TTC22: variants seen among roughly 807,000 people sequenced by gnomAD.
TTC22 encodes tetratricopeptide repeat protein 22.
A neutral mutation model predicts 48.2 loss-of-function variants in TTC22; 42 were observed. That is an observed-to-expected ratio of 0.87 (90% confidence interval 0.68 to 1.13). The LOEUF is 1.13. Among genes scored for constraint, TTC22 ranks in the 50% most tolerant of loss-of-function variants. The pLI is 0.00. For missense variants in TTC22, 784 were observed against 807.0 expected (o/e 0.97, Z 0.34); for synonymous variants, 345 against 365.5 (o/e 0.94, Z 0.64).
chr1:54,781,766 A>G lies in TTC22; in HGVS notation c.1187T>C (p.Met396Thr). 1 of 1,459,324 alleles carries G rather than the reference A, an allele frequency of 6.9e-7. No homozygotes were observed. The highest frequency in any genetic ancestry group is 9.0e-7 in the Non-Finnish European group (1 of 1,108,210). 90.4% of individuals were successfully genotyped at this position (1,459,324 alleles called of 1,614,324 possible). A position where few individuals can be genotyped will look rare whatever the true frequency, so the allele number is the denominator to read the frequency against. The stretch of plus-strand genomic sequence containing the variant: ...CAGCTCCTGCACCGCGTCCACGCCC[A>G]TATAGTAGTAGACCTGGGGTCGGGG... Reference protein sequence around the residue: ...YLDIGQVYYYMGVDAVQELLA... With the variant: ...YLDIGQVYYYTGVDAVQELLA... The change falls in exon 7 of 7, where the codon ATG becomes ACG. Residue 396 changes from methionine to threonine, a missense_variant. By Grantham distance (81) the Met-to-Thr change is moderately conservative. Coordinates refer to ENST00000371276, the MANE Select transcript of TTC22 (RefSeq NM_001114108.2).
At chr1:54,784,871 G>C in intron 5 of TTC22, 1 of 1,220,366 alleles carries the variant, frequency 8.2e-7, no homozygotes, top group Non-Finnish European at 1.1e-6. Context: ...GGACCAGTGC[G>C]GGAAGCTAGC....
In TTC22 at chr1:54,779,993, C is replaced by T. The variant is rs1412470169; in HGVS notation, c.*1250G>A. 1 of 152,220 alleles carries T rather than the reference C, an allele frequency of 6.6e-6. No homozygotes were observed. The highest frequency in any genetic ancestry group is 1.5e-5 in the Non-Finnish European group (1 of 68,104). 9.4% of individuals were successfully genotyped at this position (152,220 alleles called of 1,614,324 possible). On this transcript the variant is annotated 3_prime_UTR_variant, in exon 7 of 7. Transcript: ENST00000371276. ...GATATGAGCAAAGCAGTGAGTACAGCCTGGAATTCCAGCTACTCAGGAGGC... is the reference window on the plus strand; with the variant it reads ...GATATGAGCAAAGCAGTGAGTACAGTCTGGAATTCCAGCTACTCAGGAGGC...
At chr1:54,788,236 G>T in intron 1 of TTC22, 139 bp from the exon 2 acceptor site, 1 of 788,038 alleles carries the variant, frequency 1.3e-6, no homozygotes, top group Non-Finnish European at 2.2e-6. Flanking sequence ...TTTGATTACA[G>T]TCCTGGTTCT....
At chr1:54,784,058 A>G (rs1646282209) in intron 5 of TTC22, among the ~76,000 whole-genome samples, 1 of 152,194 alleles carries the variant, frequency 6.6e-6, no homozygotes, top group African/African-American at 2.4e-5. Flanking sequence ...TGGCTTTGAT[A>G]TTTTCAATTA....
At chr1:54,788,932 C>G (rs1228331116) in intron 1 of TTC22, among the ~76,000 whole-genome samples, 1 of 152,220 alleles carries the variant, frequency 6.6e-6, no homozygotes, top group Non-Finnish European at 1.5e-5. Flanking sequence ...CCCAAACGCA[C>G]TCACAACCTG....
chr1:54,787,949 G>T, intron 2 of TTC22, 93 bp downstream of exon 2: 1 of 1,493,566 alleles, frequency 6.7e-7, no homozygotes, highest in Non-Finnish European at 9.3e-7. Flanking sequence ...CAGTAGGAAG[G>T]GCCCAGCCAC....
intron 1 of TTC22, among the ~76,000 whole-genome samples, chr1:54,790,562 T>C (rs1646341866): frequency 6.6e-6 from 1 of 152,220 alleles, no homozygotes; most frequent in Admixed American, 6.5e-5. Context: ...AGGGCATCCC[T>C]GAGAAGTGGG....
intron 2 of TTC22, 62 bp from the exon 3 acceptor site, chr1:54,787,888 G>A: frequency 6.6e-7 from 1 of 1,517,914 alleles, no homozygotes; most frequent in Non-Finnish European, 9.1e-7. Context: ...TGTGCTGCCA[G>A]CCCTGCCCAG....
intron 1 of TTC22, 51 bp from the exon 2 acceptor site, chr1:54,788,148 A>C: frequency 4.4e-6 from 7 of 1,577,190 alleles, no homozygotes; most frequent in Non-Finnish European, 6.1e-6. Context: ...TACTCTGGCC[A>C]TTGTTCATAA....
rs1190844992 is a variant in TTC22, at chr1:54,801,263, G to A, written c.-100C>T. ...GAGCGAGCTCCGTGCGGGAGGCGAG[G>A]GGCAGCCGGCAGAGGCCCCGGGCGC... On this transcript the variant is annotated 5_prime_UTR_variant, in exon 1 of 7. Transcript: ENST00000371276. 3.1e-6 allele frequency: 4 copies of A among 1,278,198 alleles called. No individual in the cohort carries two copies. In the Admixed American group the frequency reaches 8.0e-5, roughly 26 times the overall value. 79.2% of individuals were successfully genotyped at this position (1,278,198 alleles called of 1,614,324 possible).
rs1646258721 is a variant in TTC22, at chr1:54,781,225, G to C, written c.*18C>G. The C allele has an allele frequency of 1.4e-6, 2 of 1,425,736 alleles. No homozygotes were observed. The highest frequency in any genetic ancestry group is 1.8e-6 in the Non-Finnish European group (2 of 1,099,064). The allele number at this position is 1,425,736 out of a possible 1,614,324, so 88.3% of individuals were successfully genotyped here. A position where few individuals can be genotyped will look rare whatever the true frequency, so the allele number is the denominator to read the frequency against. ...CTGGGCGGGGTCCCAGGGAGCCTCC[G>C]GCCTGGGCACCTGAGCCCTAGAATG... On this transcript the variant is annotated 3_prime_UTR_variant, in exon 7 of 7. Transcript: ENST00000371276.
chr1:54,791,073 T>C (rs1421642057), intron 1 of TTC22, among the ~76,000 whole-genome samples: 1 of 152,214 alleles, frequency 6.6e-6, no homozygotes, highest in Non-Finnish European at 1.5e-5. Context: ...TTGGCCAGGC[T>C]GGTCTTGAAT....
At chr1:54,799,958 T>G (rs1646420244) in intron 1 of TTC22, among the ~76,000 whole-genome samples, 1 of 152,214 alleles carries the variant, frequency 6.6e-6, no homozygotes, top group African/African-American at 2.4e-5. Context: ...AAGCACTGAT[T>G]TGAAGTGAGT....
At chr1:54,783,755 C>T (rs1401381410) in intron 5 of TTC22, among the ~76,000 whole-genome samples, 1 of 152,220 alleles carries the variant, frequency 6.6e-6, no homozygotes, top group Admixed American at 6.5e-5. Context: ...CTTTGGGAGG[C>T]TGCAGCTGGA....
chr1:54,801,251 G>A lies in TTC22; in HGVS notation c.-88C>T. ...GGGGCGTTCCCCGAGCGAGCTCCGTGCGGGAGGCGAGGGGCAGCCGGCAGA... is the reference window on the plus strand; with the variant it reads ...GGGGCGTTCCCCGAGCGAGCTCCGTACGGGAGGCGAGGGGCAGCCGGCAGA... On this transcript the variant is annotated 5_prime_UTR_variant, in exon 1 of 7. Coordinates refer to ENST00000371276, the MANE Select transcript of TTC22 (RefSeq NM_001114108.2). The A allele has an allele frequency of 4.3e-6, 6 of 1,382,000 alleles. No individual in the cohort carries two copies. Among genetic ancestry groups the A allele is most frequent in the Middle Eastern group, 2.0e-4 (1 of 4,992 alleles). The allele number at this position is 1,382,000 out of a possible 1,614,324, so 85.6% of individuals were successfully genotyped here.
intron 1 of TTC22, among the ~76,000 whole-genome samples, chr1:54,791,403 C>T (rs764620797): frequency 6.6e-6 from 1 of 152,160 alleles, no homozygotes; most frequent in Non-Finnish European, 1.5e-5. Context: ...GGATGTTACC[C>T]CTGGCAGGTT....
chr1:54,780,731 G>A lies in TTC22; in HGVS notation c.*512C>T, dbSNP rs1646255403. 6.6e-6 allele frequency: 1 copy of A among 152,442 alleles called. No individual in the cohort carries two copies. Among genetic ancestry groups the A allele is most frequent in the African/African-American group, 2.4e-5 (1 of 41,470 alleles). 9.4% of individuals were successfully genotyped at this position (152,442 alleles called of 1,614,324 possible). A position where few individuals can be genotyped will look rare whatever the true frequency, so the allele number is the denominator to read the frequency against. ...GGCCCTGTCCCGTAACTCACTCGCC[G>A]TGCCACCCTGCCCTCTGCTTTAGTC... is the stretch of plus-strand genomic sequence containing the variant. On this transcript the variant is annotated 3_prime_UTR_variant, in exon 7 of 7. Coordinates refer to ENST00000371276, the MANE Select transcript of TTC22 (RefSeq NM_001114108.2).
intron 1 of TTC22, among the ~76,000 whole-genome samples, chr1:54,788,491 C>A (rs1338640743): frequency 6.6e-6 from 1 of 152,070 alleles, no homozygotes; most frequent in African/African-American, 2.4e-5. Context: ...TCCCTTTGGT[C>A]ATGTTAAGTG....
At chr1:54,785,387 G>A (rs979672580) in intron 5 of TTC22, 1 of 287,700 alleles carries the variant, frequency 3.5e-6, no homozygotes, top group Non-Finnish European at 6.9e-6. Context: ...CCACAAGGCG[G>A]AGAAGCCAGA....
Sources: allele counts gnomAD v4.1 joint callset (sites outside exome capture counted in the v4.1 genomes callset), GRCh38; gene constraint gnomAD v4.1.1; transcripts MANE v1.5; gene names NCBI Gene and HGNC (gene_info 2026-07-23, HGNC 2026-07-21).